PTPRB: variants seen among roughly 807,000 people sequenced by gnomAD.
PTPRB encodes the protein receptor-type tyrosine-protein phosphatase beta.
In PTPRB, 97 loss-of-function variants were observed where a neutral mutation model predicts 238.1. That is an observed-to-expected ratio of 0.41 (90% CI 0.35 to 0.48). The LOEUF (loss-of-function observed/expected upper bound fraction) is 0.48, where lower values mean the gene tolerates loss of function less well. PTPRB is among the 20% of genes least tolerant of loss of function. The pLI is 0.30. For missense variants in PTPRB, 2,292 were observed against 2,681.9 expected (o/e 0.85, Z 3.21); for synonymous variants, 970 against 995.4 (o/e 0.97, Z 0.48).
chr12:70,614,169 G>C (rs1031238915), intron 3 of PTPRB, among the ~76,000 whole-genome samples: 1 of 152,276 alleles, frequency 6.6e-6, no homozygotes, highest in South Asian at 2.1e-4. Flanking sequence ...AATCAGAAAT[G>C]CTGGGGATAG....
chr12:70,521,470 G>T lies in PTPRB; in HGVS notation c.*19C>A. 1 of 1,525,732 alleles carries T rather than the reference G, an allele frequency of 6.6e-7. No homozygotes were observed. Among genetic ancestry groups the T allele is most frequent in the South Asian group, 1.3e-5 (1 of 78,164 alleles). The allele number at this position is 1,525,732 out of a possible 1,614,324, so 94.5% of individuals were successfully genotyped here. A position where few individuals can be genotyped will look rare whatever the true frequency, so the allele number is the denominator to read the frequency against. On this transcript the variant is annotated 3_prime_UTR_variant, in exon 34 of 34. Coordinates refer to ENST00000334414, the MANE Select transcript of PTPRB (RefSeq NM_001109754.4). ...CACACAGTGAATAATTTTTATCCAG[G>T]AGCTCTTCAGGTACATTCTCAATGC...
intron 33 of PTPRB, 131 bp downstream of exon 33, chr12:70,524,340 C>T: frequency 9.8e-7 from 1 of 1,022,378 alleles, no homozygotes; most frequent in Non-Finnish European, 1.4e-6. Flanking sequence ...GTTTCAAACT[C>T]TTAGGCTCAA....
intron 4 of PTPRB, among the ~76,000 whole-genome samples, chr12:70,601,775 CT>C (rs1160198718): frequency 6.8e-6 from 1 of 146,032 alleles, no homozygotes; most frequent in Non-Finnish European, 1.5e-5. Flanking sequence ...GAGGTAATTT[CT>C]TTTTTTCTTT....
At chr12:70,596,999 C>G (rs1883085799) in intron 4 of PTPRB, among the ~76,000 whole-genome samples, 1 of 151,714 alleles carries the variant, frequency 6.6e-6, no homozygotes, top group South Asian at 2.1e-4. Flanking sequence ...CTCACTGCAA[C>G]CTCCGCCTCC....
chr12:70,525,543 T>C (rs540745925), intron 32 of PTPRB: 5 of 152,200 alleles, frequency 3.3e-5, no homozygotes, highest in African/African-American at 9.6e-5. Context: ...GACAGACCCA[T>C]CTGTTGGCTA....
intron 10 of PTPRB, among the ~76,000 whole-genome samples, chr12:70,577,321 G>A (rs889621516): frequency 6.6e-5 from 10 of 152,144 alleles, no homozygotes; most frequent in African/African-American, 1.9e-4. Flanking sequence ...GTTTTCTGAT[G>A]TCAACTATAA....
chr12:70,611,004 T>A (rs1387974924), intron 3 of PTPRB, among the ~76,000 whole-genome samples: 1 of 152,172 alleles, frequency 6.6e-6, no homozygotes, highest in African/African-American at 2.4e-5. Flanking sequence ...TCCCAATAAC[T>A]AAAGAGCAAA....
At chr12:70,637,284 G>A in intron 1 of PTPRB, 57 bp downstream of exon 1, 1 of 1,479,814 alleles carries the variant, frequency 6.8e-7, no homozygotes, top group Non-Finnish European at 9.3e-7. Context: ...AAAGACCAGG[G>A]ACTCCTTGGC....
At chr12:70,605,406 T>C (rs1232694783) in intron 4 of PTPRB, among the ~76,000 whole-genome samples, 1 of 152,212 alleles carries the variant, frequency 6.6e-6, no homozygotes, top group Non-Finnish European at 1.5e-5. Context: ...TCATCCATCT[T>C]TCCATTCATC....
chr12:70,555,977 T>C lies in PTPRB; in HGVS notation c.4886A>G (p.Asn1629Ser). 1 of 1,613,976 alleles carries C rather than the reference T, an allele frequency of 6.2e-7. No individual in the cohort carries two copies. The highest frequency in any genetic ancestry group is 8.5e-7 in the Non-Finnish European group (1 of 1,179,878). ...CTTATGGGGCACTAGCATCATGATG[T>C]TGAGCAGAGATTTTTCTTTCTCCAG... ...RKLEKEKSLL[N>S]IMMLVPHKRY... Residue 1629 changes from asparagine to serine, a missense_variant, in exon 19 of 34, where the codon AAC (asparagine) becomes AGC (serine). Coordinates refer to ENST00000334414, the MANE Select transcript of PTPRB (RefSeq NM_001109754.4).
chr12:70,568,525 C>A (rs1273005801), intron 14 of PTPRB, among the ~76,000 whole-genome samples: 1 of 152,132 alleles, frequency 6.6e-6, no homozygotes, highest in East Asian at 1.9e-4. Flanking sequence ...TCTCAATCTC[C>A]TGACCTTGTG....
At chr12:70,526,011 T>C (rs1024483074) in intron 32 of PTPRB, among the ~76,000 whole-genome samples, 3 of 152,188 alleles carry the variant, frequency 2.0e-5, no homozygotes, top group African/African-American at 7.2e-5. Flanking sequence ...TAAAAGTATT[T>C]TAGAGGTTTG....
Position 70,592,336 on chromosome 12 carries a change from C to T in PTPRB, c.1726G>A (p.Val576Ile), listed in dbSNP as rs1399666760. The T allele has an allele frequency of 1.9e-6, 3 of 1,614,018 alleles. No individual in the cohort carries two copies. The highest frequency in any genetic ancestry group is 1.7e-6 in the Non-Finnish European group (2 of 1,179,882). ...GACAGTTCACCAGAGACACAGCTGA[C>T]AGTAACTTGATAAAGTCGACCGGGG... ...LVPGRLYQVT[V>I]SCVSGELSAQ... Residue 576 changes from valine (V) to isoleucine (I), a missense_variant, in exon 7 of 34, where the codon GTC becomes ATC. Val to Ile is a conservative substitution (Grantham distance 29). Around this residue, in one of 4 missense-constraint regions of PTPRB, gnomAD observed 1,205 missense variants for 1,287.8 expected, o/e 0.94. Coordinates refer to ENST00000334414, the MANE Select transcript of PTPRB (RefSeq NM_001109754.4).
intron 4 of PTPRB, among the ~76,000 whole-genome samples, chr12:70,599,683 C>A (rs1056046306): frequency 1.8e-4 from 27 of 152,136 alleles, no homozygotes; most frequent in Admixed American, 8.5e-4. Flanking sequence ...CTACCAGCAC[C>A]AGAAAGCCCC....
intron 6 of PTPRB, among the ~76,000 whole-genome samples, chr12:70,592,999 C>T (rs926641368): frequency 2.6e-5 from 4 of 152,162 alleles, no homozygotes; most frequent in Admixed American, 6.5e-5. Flanking sequence ...CATTTCTTAT[C>T]GCCTTTATAT....
intron 4 of PTPRB, among the ~76,000 whole-genome samples, chr12:70,600,904 G>T (rs1347132471): frequency 6.6e-6 from 1 of 151,768 alleles, no homozygotes; most frequent in Non-Finnish European, 1.5e-5. Flanking sequence ...GTCTAGCTCT[G>T]TCGCTGAGGC....
chr12:70,602,375 C>T (rs562446068), intron 4 of PTPRB, among the ~76,000 whole-genome samples: 1 of 152,300 alleles, frequency 6.6e-6, no homozygotes, highest in Non-Finnish European at 1.5e-5. Context: ...ATATCAATAA[C>T]TGAGGCTTTT....
At chr12:70,558,198 G>A (rs60769314) in intron 18 of PTPRB, among the ~76,000 whole-genome samples, 3,736 of 152,260 alleles carry the variant, frequency 0.025, 155 homozygotes, top group African/African-American at 0.085. Context: ...AGTGCAGGGT[G>A]TTCTGCTTAG....
At chr12:70,557,754 G>C (rs1006252271) in intron 18 of PTPRB, among the ~76,000 whole-genome samples, 1 of 152,226 alleles carries the variant, frequency 6.6e-6, no homozygotes, top group Non-Finnish European at 1.5e-5. Flanking sequence ...TCATTGCCTT[G>C]TGTGGGAGTA....
Sources: allele counts gnomAD v4.1 joint callset (sites outside exome capture counted in the v4.1 genomes callset), GRCh38; gene constraint gnomAD v4.1.1; regional missense constraint gnomAD v4.1.1; transcripts MANE v1.5; gene names NCBI Gene and HGNC (gene_info 2026-07-23, HGNC 2026-07-21).